Variants in TTLL9 observed in about 807,000 individuals in gnomAD.
TTLL9 encodes probable tubulin polyglutamylase TTLL9.
TTLL9 carries 47 observed loss-of-function variants against 65.6 expected under a neutral mutation model. The ratio of observed to expected loss-of-function variants is 0.72; its 90% CI spans 0.57 to 0.91. The LOEUF (loss-of-function observed/expected upper bound fraction) is 0.91. Among genes scored for constraint, TTLL9 ranks in the 40% least tolerant of loss-of-function variants. The pLI, the probability that TTLL9 is intolerant of heterozygous loss-of-function variation, is 0.00. For synonymous variants in TTLL9, 179 were observed against 204.8 expected, an observed-to-expected ratio of 0.87 and a Z score of 1.07; for missense variants, 537 against 568.8, an observed-to-expected ratio of 0.94 and a Z score of 0.57.
At chr20:31,929,336 A>G (rs1346687059) in intron 10 of TTLL9, among the ~76,000 whole-genome samples, 1 of 152,242 alleles carries the variant, frequency 6.6e-6, no homozygotes, top group Non-Finnish European at 1.5e-5. Context: ...TAAAACATTG[A>G]AAGGATATAG....
intron 3 of TTLL9, among the ~76,000 whole-genome samples, chr20:31,894,067 T>C (rs540890021): frequency 1.3e-5 from 2 of 151,720 alleles, no homozygotes; most frequent in East Asian, 3.9e-4. Flanking sequence ...TCAGATATTA[T>C]AGTTTTCCCT....
chr20:31,873,739 AGG>A (rs1361883223), intron 2 of TTLL9, among the ~76,000 whole-genome samples: 13 of 143,030 alleles, frequency 9.1e-5, no homozygotes, highest in South Asian at 2.2e-4. Flanking sequence ...AGAAAGAAAA[AGG>A]AAGGAAGGAA....
At chr20:31,880,872 T>TTTTG (rs2063109132) in intron 2 of TTLL9, among the ~76,000 whole-genome samples, 1 of 149,152 alleles carries the variant, frequency 6.7e-6, no homozygotes, top group African/African-American at 2.5e-5. Context: ...TTTTTTTTTT[T>TTTTG]GAGACAAGGT....
intron 4 of TTLL9, among the ~76,000 whole-genome samples, chr20:31,899,104 A>G (rs6089110): frequency 6.6e-6 from 1 of 152,204 alleles, no homozygotes; most frequent in Non-Finnish European, 1.5e-5. Flanking sequence ...GATGTATGCA[A>G]TGGAAACCCA....
In TTLL9 at chr20:31,896,903, CT is replaced by C. The variant is rs570847898; in HGVS notation, c.114-1565del. On this transcript the variant is annotated intron_variant, in intron 3 of 14. Coordinates refer to ENST00000535842, the MANE Select transcript of TTLL9 (RefSeq NM_001008409.5). Reference sequence around the variant, plus strand: ...CTCCGCTTGGTTATGGTGTATAGTCCTTTTTATATATTGCTGAATTCTATTT... The same window carrying C: ...CTCCGCTTGGTTATGGTGTATAGTCCTTTTATATATTGCTGAATTCTATTT... Among the ~76,000 whole-genome samples the C allele has an allele frequency of 2.5e-3, 385 of 152,198 alleles. 3 individuals are homozygous for C. The highest frequency in any genetic ancestry group is 9.0e-3 in the African/African-American group (374 of 41,522).
intron 3 of TTLL9, among the ~76,000 whole-genome samples, chr20:31,889,467 G>T (rs1253955727): frequency 6.6e-6 from 1 of 150,438 alleles, no homozygotes; most frequent in African/African-American, 2.5e-5. Flanking sequence ...CTGTTGCCCA[G>T]GCTGGAGTGC....
chr20:31,908,733 A>G, intron 5 of TTLL9, 31 bp downstream of exon 5: 1 of 1,545,708 alleles, frequency 6.5e-7, no homozygotes, highest in Non-Finnish European at 8.9e-7. Context: ...GGACTGTGCC[A>G]ACCAACTCAT....
chr20:31,925,711 T>C (rs1358881275), intron 9 of TTLL9, among the ~76,000 whole-genome samples: 1 of 152,116 alleles, frequency 6.6e-6, no homozygotes, highest in African/African-American at 2.4e-5. Flanking sequence ...GGGGATAGAA[T>C]CAAAGAAGCC....
chr20:31,922,911 A>G, intron 7 of TTLL9, 52 bp from the exon 8 acceptor site: 2 of 1,474,284 alleles, frequency 1.4e-6, no homozygotes, highest in Non-Finnish European at 1.9e-6. Flanking sequence ...TACCTAGTAC[A>G]CAGGAAATGT....
chr20:31,934,525 C>A (rs2064075362), intron 11 of TTLL9, 167 bp from the exon 12 acceptor site: 1 of 678,196 alleles, frequency 1.5e-6, no homozygotes, highest in Non-Finnish European at 2.6e-6. Context: ...AGAATTTTTG[C>A]CCCTCAAAGA....
intron 3 of TTLL9, among the ~76,000 whole-genome samples, chr20:31,895,813 GTATTTATTTATTTATTTATTTATT>G (rs34278083): frequency 1.4e-5 from 2 of 148,064 alleles, no homozygotes; most frequent in Middle Eastern, 3.5e-3. Flanking sequence ...GGTTATTCAT[GTATTTATTTATTTATTTATTTATT>G]TATTTATTTA....
At chr20:31,877,557 T>A (rs1282798292) in intron 2 of TTLL9, among the ~76,000 whole-genome samples, 4 of 152,254 alleles carry the variant, frequency 2.6e-5, no homozygotes, top group Non-Finnish European at 4.4e-5. Context: ...ATATAACATG[T>A]ATATGTCTTA....
At chr20:31,904,230 C>A (rs918467691) in intron 4 of TTLL9, among the ~76,000 whole-genome samples, 1 of 151,482 alleles carries the variant, frequency 6.6e-6, no homozygotes, top group African/African-American at 2.4e-5. Context: ...CAGCTTTCTC[C>A]AGTGTAAATT....
rs531437671 is a variant in TTLL9, at chr20:31,921,769, A to G, written c.574-1194A>G. On this transcript the variant is annotated intron_variant, in intron 7 of 14. Transcript: ENST00000535842. ...GTTCTCACTCATAGGTGGGAATTGA[A>G]CAATGAGAACACTTGGACACAGGAA... Among the ~76,000 whole-genome samples the G allele has an allele frequency of 5.3e-5, 8 of 152,282 alleles. 1 individual carries two copies. In the South Asian group the frequency reaches 1.7e-3, roughly 32 times the overall value.
rs1447022503 is a variant in TTLL9, at chr20:31,939,086, C to G, written c.1119-56C>G. On this transcript the variant is annotated intron_variant, in intron 13 of 14. Transcript: ENST00000535842. The stretch of plus-strand genomic sequence containing the variant: ...GAGAGATCAGGGACCTCACTTGGGT[C>G]TTAGGGCTCTGCCAGGTGCACCTTC... 2.6e-6 allele frequency: 4 copies of G among 1,510,500 alleles called. No homozygotes were observed. In the South Asian group the frequency reaches 5.3e-5, roughly 20 times the overall value. 93.6% of individuals were successfully genotyped at this position (1,510,500 alleles called of 1,614,324 possible). A position where few individuals can be genotyped will look rare whatever the true frequency, so the allele number is the denominator to read the frequency against.
At chr20:31,937,949 GAAAA>G (rs752732256) in intron 13 of TTLL9, among the ~76,000 whole-genome samples, 3 of 138,042 alleles carry the variant, frequency 2.2e-5, no homozygotes, top group East Asian at 2.1e-4. Context: ...TGCAATAGCA[GAAAA>G]AAAAAAAAAC....
rs146276417 is a variant in TTLL9, at chr20:31,907,175, A to G, written c.207-1416A>G. ...GCCTGAGTTCAAATCCTGCTCTGCCACTTACTAACTGCATGAACTAGGTGA... is the reference window on the plus strand; with the variant it reads ...GCCTGAGTTCAAATCCTGCTCTGCCGCTTACTAACTGCATGAACTAGGTGA... On this transcript the variant is annotated intron_variant, in intron 4 of 14. Coordinates refer to ENST00000535842, the MANE Select transcript of TTLL9 (RefSeq NM_001008409.5). 9.2e-5 allele frequency among the ~76,000 whole-genome samples: 14 copies of G among 152,302 alleles called. 1 individual carries two copies. The highest frequency in any genetic ancestry group is 3.4e-4 in the African/African-American group (14 of 41,582).
intron 10 of TTLL9, among the ~76,000 whole-genome samples, chr20:31,930,903 C>T (rs1488023955): frequency 6.6e-6 from 1 of 152,066 alleles, no homozygotes; most frequent in Non-Finnish European, 1.5e-5. Context: ...CATCTCTCAC[C>T]CCTTTCTTTC....
intron 11 of TTLL9, 83 bp from the exon 12 acceptor site, chr20:31,934,609 T>A (rs1276888917): frequency 2.0e-5 from 25 of 1,282,026 alleles, no homozygotes; most frequent in Non-Finnish European, 2.2e-5. Context: ...AGGGAAACAC[T>A]GAGAGCAATT....
Sources: gnomAD v4.1 joint callset for allele counts (sites outside exome capture counted in the v4.1 genomes callset) on GRCh38, gnomAD v4.1.1 for gene constraint, MANE v1.5 for transcripts, NCBI Gene and HGNC (gene_info 2026-07-23, HGNC 2026-07-21) for gene names.